The following MAN1C1 variants were observed in gnomAD, a reference collection of about 807,000 sequenced individuals.
The protein encoded by MAN1C1 is mannosyl-oligosaccharide 1,2-alpha-mannosidase IC.
MAN1C1 carries 49 observed loss-of-function variants against 71.5 expected under a neutral mutation model. That is an observed-to-expected ratio of 0.69 (90% CI 0.54 to 0.87). The LOEUF is 0.87. MAN1C1 is among the 40% of genes least tolerant of loss of function. MAN1C1 has a pLI of 0.00. For synonymous variants in MAN1C1, 352 were observed against 343.7 expected (o/e 1.02, Z -0.27); for missense variants, 743 against 835.0 (o/e 0.89, Z 1.36).
chr1:25,671,841 A>G (rs2045996882), intron 1 of MAN1C1, among the ~76,000 whole-genome samples: 1 of 152,338 alleles, frequency 6.6e-6, no homozygotes, highest in Admixed American at 6.5e-5. Flanking sequence ...TGGCCAGGCC[A>G]TGCTGCATTC....
chr1:25,664,057 G>T (rs1040132638), intron 1 of MAN1C1, among the ~76,000 whole-genome samples: 1 of 152,140 alleles, frequency 6.6e-6, no homozygotes, highest in Admixed American at 6.5e-5. Context: ...CTCCCCAGAA[G>T]GGGGATGATC....
intron 2 of MAN1C1, among the ~76,000 whole-genome samples, chr1:25,727,738 C>T (rs558414478): frequency 3.3e-5 from 5 of 152,324 alleles, no homozygotes; most frequent in African/African-American, 4.8e-5. Context: ...TGCTTAGGAG[C>T]GGGGTACAGG....
intron 1 of MAN1C1, among the ~76,000 whole-genome samples, chr1:25,647,427 A>G (rs950436430): frequency 1.3e-5 from 2 of 152,066 alleles, no homozygotes; most frequent in Non-Finnish European, 2.9e-5. Flanking sequence ...AGTCCAAAGG[A>G]AGAGGTGGGT....
chr1:25,741,316 G>A lies in MAN1C1; in HGVS notation c.638-5352G>A, dbSNP rs559557900. 8.1e-4 allele frequency among the ~76,000 whole-genome samples: 123 copies of A among 152,282 alleles called. 1 individual carries two copies. Among genetic ancestry groups the A allele is most frequent in the Middle Eastern group, 3.4e-3 (1 of 294 alleles). On this transcript the variant is annotated intron_variant, in intron 2 of 11. Transcript: ENST00000374332. ...AGATTTGAAATCACTAAGAGAATGA[G>A]GGAGGACAGAAAGGAAGCCCAAAGG...
intron 8 of MAN1C1, chr1:25,777,693 C>G (rs1050027086): frequency 5.9e-6 from 1 of 169,476 alleles, no homozygotes; most frequent in African/African-American, 2.4e-5. Flanking sequence ...CATAAAGATG[C>G]ACATCCACCA....
At chr1:25,640,923 A>G (rs1241140333) in intron 1 of MAN1C1, among the ~76,000 whole-genome samples, 1 of 152,186 alleles carries the variant, frequency 6.6e-6, no homozygotes, top group African/African-American at 2.4e-5. Context: ...TAGGCACTGG[A>G]GTAGATTATA....
At chr1:25,765,048 A>C (rs995308072) in intron 7 of MAN1C1, among the ~76,000 whole-genome samples, 4 of 151,002 alleles carry the variant, frequency 2.6e-5, no homozygotes, top group Admixed American at 6.6e-5. Context: ...ACTCCGTCCC[A>C]AAAAAAAACA....
chr1:25,679,894 A>C (rs1211704420), intron 1 of MAN1C1, among the ~76,000 whole-genome samples: 4 of 140,236 alleles, frequency 2.9e-5, no homozygotes, highest in Non-Finnish European at 6.1e-5. Flanking sequence ...GATAGAGCCT[A>C]CCTCTGGGTA....
intron 1 of MAN1C1, among the ~76,000 whole-genome samples, chr1:25,650,709 G>A (rs944293833): frequency 3.3e-5 from 5 of 152,170 alleles, no homozygotes; most frequent in Non-Finnish European, 5.9e-5. Flanking sequence ...TTTAGACACC[G>A]ATAAATCTAC....
At chr1:25,679,419 T>G (rs530298133) in intron 1 of MAN1C1, among the ~76,000 whole-genome samples, 17 of 152,286 alleles carry the variant, frequency 1.1e-4, no homozygotes, top group Non-Finnish European at 1.6e-4. Context: ...ATTGAGGAAC[T>G]GGGGGCTAAG....
At chr1:25,742,734 C>T (rs542653273) in intron 2 of MAN1C1, among the ~76,000 whole-genome samples, 4 of 152,204 alleles carry the variant, frequency 2.6e-5, no homozygotes, top group Admixed American at 1.3e-4. Flanking sequence ...ATGGCTTGCC[C>T]TATTGCACAG....
intron 2 of MAN1C1, among the ~76,000 whole-genome samples, chr1:25,692,849 T>A (rs1290673988): frequency 6.6e-6 from 1 of 152,178 alleles, no homozygotes. Flanking sequence ...TCTCTAGGCA[T>A]CATCATTTAT....
At chr1:25,761,868 C>T (rs551387328) in intron 6 of MAN1C1, among the ~76,000 whole-genome samples, 9 of 152,068 alleles carry the variant, frequency 5.9e-5, no homozygotes, top group Non-Finnish European at 1.3e-4. Flanking sequence ...GGTGATCTGC[C>T]CGCCTCGGCC....
At position 25,730,776 on chromosome 1, in the gene MAN1C1, T is replaced by C. The variant is rs1455727717; in HGVS notation, c.638-15892T>C. 6.6e-6 allele frequency among the ~76,000 whole-genome samples: 1 copy of C among 152,210 alleles called. No individual in the cohort carries two copies. The highest frequency in any genetic ancestry group is 1.5e-5 in the Non-Finnish European group (1 of 68,028). On this transcript the variant is annotated intron_variant, in intron 2 of 11. Coordinates refer to ENST00000374332, the MANE Select transcript of MAN1C1 (RefSeq NM_020379.4). This position sits in a 1 kb window ranked among gnomAD's most constrained non-coding sequence, Gnocchi z 4.3. ...AAGCGGGGAGGGGGTTCTCCCTGTG[T>C]GGGCACTTCCTCCTCCTTTTCACTC...
At chr1:25,781,535 C>G (rs779409156) in intron 10 of MAN1C1, among the ~76,000 whole-genome samples, 34 of 152,208 alleles carry the variant, frequency 2.2e-4, no homozygotes, top group Non-Finnish European at 4.4e-4. Flanking sequence ...AGGGACCCCC[C>G]CACCCTAGTC....
intron 1 of MAN1C1, among the ~76,000 whole-genome samples, chr1:25,667,527 A>G (rs2045940945): frequency 6.6e-6 from 1 of 151,564 alleles, no homozygotes; most frequent in African/African-American, 2.4e-5. Flanking sequence ...AAAAGAAACA[A>G]TGAAACTTGA....
At chr1:25,761,301 A>G (rs1411715100) in intron 6 of MAN1C1, 2 of 152,190 alleles carry the variant, frequency 1.3e-5, no homozygotes, top group Non-Finnish European at 2.9e-5. Context: ...CTCCCCCGAA[A>G]TAATTCCAGG....
At chr1:25,682,064 G>T (rs1360716300) in intron 1 of MAN1C1, among the ~76,000 whole-genome samples, 1 of 152,126 alleles carries the variant, frequency 6.6e-6, no homozygotes, top group African/African-American at 2.4e-5. Context: ...GAGAATCGGG[G>T]GTTGTACGGA....
In MAN1C1 at chr1:25,746,424, C is replaced by T. The variant is rs1003653686; in HGVS notation, c.638-244C>T. 6.6e-6 allele frequency among the ~76,000 whole-genome samples: 1 copy of T among 152,228 alleles called. No homozygotes were observed. Among genetic ancestry groups the T allele is most frequent in the Non-Finnish European group, 1.5e-5 (1 of 68,048 alleles). On this transcript the variant is annotated intron_variant, in intron 2 of 11. Coordinates refer to ENST00000374332, the MANE Select transcript of MAN1C1 (RefSeq NM_020379.4). The surrounding 1 kb of genome is among the most constrained non-coding windows in gnomAD (Gnocchi z 4.0). ...GGACCGAGTCTGGGAAGTGGCTCAG[C>T]CTGGGCCCTCGGTCTCTCTGGCCGC... is the stretch of plus-strand genomic sequence containing the variant.
Sources: gnomAD v4.1 joint callset for allele counts (sites outside exome capture counted in the v4.1 genomes callset) on GRCh38, gnomAD v4.1.1 for gene constraint, Gnocchi (gnomAD v3.1) non-coding constraint, MANE v1.5 for transcripts, NCBI Gene and HGNC (gene_info 2026-07-23, HGNC 2026-07-21) for gene names.